Variants in DPP10 observed in about 807,000 individuals in gnomAD.
DPP10 encodes inactive dipeptidyl peptidase 10.
DPP10 carries 33 observed loss-of-function variants against 120.9 expected under a neutral mutation model. The observed-to-expected ratio is 0.27, with a 90% confidence interval of 0.21 to 0.37. The LOEUF is 0.37. DPP10 is among the 10% of genes least tolerant of loss of function. DPP10 has a pLI of 1.00. For missense variants in DPP10, 816 were observed against 942.8 expected (o/e 0.87, Z 1.76); for synonymous variants, 337 against 326.1 (o/e 1.03, Z -0.36).
At chr2:115,150,524 A>G (rs1336384737) in intron 1 of DPP10, among the ~76,000 whole-genome samples, 2 of 152,236 alleles carry the variant, frequency 1.3e-5, no homozygotes, top group Non-Finnish European at 2.9e-5. Context: ...TATTGAAAAT[A>G]TGTTTTCTTG....
chr2:115,629,501 T>C (rs4614941), intron 5 of DPP10, among the ~76,000 whole-genome samples: 34,395 of 152,052 alleles, frequency 0.23, 4,351 homozygotes, highest in East Asian at 0.39. Context: ...TTTTAATGAT[T>C]GCCATTCTAA....
chr2:115,217,067 A>G (rs1020574377), intron 1 of DPP10, among the ~76,000 whole-genome samples: 28 of 152,226 alleles, frequency 1.8e-4, no homozygotes, highest in African/African-American at 6.7e-4. Context: ...TTCATCCAGA[A>G]GACCTAATTC....
intron 3 of DPP10, among the ~76,000 whole-genome samples, chr2:115,498,254 G>A (rs2076506329): frequency 6.6e-6 from 1 of 152,062 alleles, no homozygotes; most frequent in Non-Finnish European, 1.5e-5. Flanking sequence ...TTTTGAATTA[G>A]ATACTGAAGA....
At chr2:114,497,316 C>G (rs1682708759) in intron 1 of DPP10, among the ~76,000 whole-genome samples, 1 of 29,398 alleles carries the variant, frequency 3.4e-5, no homozygotes, top group African/African-American at 1.0e-4. Context: ...TATACATGTA[C>G]ATGTATACGT....
intron 24 of DPP10, among the ~76,000 whole-genome samples, chr2:115,837,484 A>G (rs1689653220): frequency 6.6e-6 from 1 of 152,240 alleles, no homozygotes; most frequent in Admixed American, 6.5e-5. Context: ...GGCAAGTGAG[A>G]CAAGAAAGTC....
chr2:115,581,459 A>G (rs2081997448), intron 5 of DPP10, among the ~76,000 whole-genome samples: 1 of 152,180 alleles, frequency 6.6e-6, no homozygotes, highest in South Asian at 2.1e-4. Flanking sequence ...TGGTTGTATC[A>G]GAACTAGGGC....
At chr2:115,821,894 A>G (rs1441606671) in intron 21 of DPP10, among the ~76,000 whole-genome samples, 1 of 152,030 alleles carries the variant, frequency 6.6e-6, no homozygotes, top group Non-Finnish European at 1.5e-5. Flanking sequence ...ACATAAGAGT[A>G]GAATTGTTAA....
intron 3 of DPP10, among the ~76,000 whole-genome samples, chr2:115,452,381 C>G (rs925414573): frequency 1.3e-5 from 2 of 151,890 alleles, no homozygotes; most frequent in Non-Finnish European, 2.9e-5. Context: ...GGCTGTGGCT[C>G]CCACACTCTC....
intron 5 of DPP10, among the ~76,000 whole-genome samples, chr2:115,680,389 A>G (rs576292179): frequency 2.2e-4 from 34 of 152,128 alleles, no homozygotes; most frequent in Middle Eastern, 6.8e-3. Flanking sequence ...TTGTAAGGAA[A>G]AGGCAAACAA....
In DPP10 at chr2:115,788,883, G is replaced by A. The variant is rs557989998; in HGVS notation, c.1532-2198G>A. Among the ~76,000 whole-genome samples the A allele has an allele frequency of 1.0e-3, 159 of 152,224 alleles. 1 individual carries two copies. The highest frequency in any genetic ancestry group is 3.4e-3 in the African/African-American group (143 of 41,546). On this transcript the variant is annotated intron_variant, in intron 17 of 25. Transcript: ENST00000410059. Reference sequence around the variant, plus strand: ...TGTAATCCCAGCACTTTGGGAGGCCGAGGCGGGTGGAGATCGTGAGGTCAG... The same window carrying A: ...TGTAATCCCAGCACTTTGGGAGGCCAAGGCGGGTGGAGATCGTGAGGTCAG...
intron 1 of DPP10, among the ~76,000 whole-genome samples, chr2:115,177,637 C>T (rs1401712674): frequency 6.6e-6 from 1 of 152,116 alleles, no homozygotes; most frequent in Non-Finnish European, 1.5e-5. Flanking sequence ...TTTCTTTCTT[C>T]CAGAGAAATG....
chr2:114,800,584 T>C (rs1684105018), intron 1 of DPP10, among the ~76,000 whole-genome samples: 3 of 152,194 alleles, frequency 2.0e-5, no homozygotes, highest in Admixed American at 2.0e-4. Context: ...CTGGATGTAT[T>C]ATATCATCTC....
At chr2:115,496,583 T>C (rs543265427) in intron 3 of DPP10, among the ~76,000 whole-genome samples, 2 of 152,168 alleles carry the variant, frequency 1.3e-5, no homozygotes, top group Non-Finnish European at 2.9e-5. Context: ...TGAGGAACTA[T>C]GGGGTCACGC....
chr2:115,840,327 T>TTTTTG (rs1689994492), intron 24 of DPP10, among the ~76,000 whole-genome samples: 1 of 116,436 alleles, frequency 8.6e-6, no homozygotes, highest in East Asian at 2.6e-4. Context: ...TGGTTTTTTT[T>TTTTTG]TTTTTTTTTT....
chr2:115,095,054 T>C (rs1488751663), intron 1 of DPP10, among the ~76,000 whole-genome samples: 1 of 152,200 alleles, frequency 6.6e-6, no homozygotes, highest in Non-Finnish European at 1.5e-5. Context: ...TAAATAATTC[T>C]GTAGATTTGG....
intron 1 of DPP10, among the ~76,000 whole-genome samples, chr2:114,555,267 A>G (rs1362230433): frequency 6.6e-6 from 1 of 152,060 alleles, no homozygotes; most frequent in East Asian, 1.9e-4. Flanking sequence ...CAGGACATCA[A>G]AATTGGTTAG....
intron 1 of DPP10, among the ~76,000 whole-genome samples, chr2:114,927,267 A>G (rs1392872112): frequency 2.0e-5 from 3 of 151,952 alleles, no homozygotes; most frequent in Non-Finnish European, 2.9e-5. Context: ...AATCAAGACT[A>G]GGTATTGTGA....
chr2:115,757,618 T>C (rs1281558859), intron 11 of DPP10, among the ~76,000 whole-genome samples: 1 of 152,028 alleles, frequency 6.6e-6, no homozygotes, highest in Non-Finnish European at 1.5e-5. Context: ...AAGATGTGAT[T>C]TGGGTGGGAC....
At chr2:114,906,373 G>A (rs946645213) in intron 1 of DPP10, among the ~76,000 whole-genome samples, 61 of 148,822 alleles carry the variant, frequency 4.1e-4, no homozygotes, top group African/African-American at 1.4e-3. Context: ...GACAGAGTGA[G>A]TTCTATCTCA....
Sources: gnomAD v4.1 joint callset for allele counts (sites outside exome capture counted in the v4.1 genomes callset) on GRCh38, gnomAD v4.1.1 for gene constraint, MANE v1.5 for transcripts, NCBI Gene and HGNC (gene_info 2026-07-23, HGNC 2026-07-21) for gene names.